The following SAE1 variants were observed in gnomAD, a reference collection of about 807,000 sequenced individuals.
The protein encoded by SAE1 is SUMO-activating enzyme subunit 1.
A neutral mutation model predicts 40.6 loss-of-function variants in SAE1; 11 were observed. The observed-to-expected ratio is 0.27, with a 90% CI of 0.17 to 0.45. The LOEUF is 0.45. Ranked by LOEUF, SAE1 falls within the 20% of genes least tolerant of loss-of-function variation. The pLI, the probability that SAE1 is intolerant of heterozygous loss-of-function variation, is 1.00. For synonymous variants in SAE1, 155 were observed against 154.3 expected (o/e 1.00, Z -0.03); for missense variants, 373 against 427.3 (o/e 0.87, Z 1.12).
chr19:47,175,574 T>TA (rs568421836), intron 6 of SAE1, among the ~76,000 whole-genome samples: 16 of 152,036 alleles, frequency 1.1e-4, no homozygotes, highest in Non-Finnish European at 2.2e-4. Flanking sequence ...CCGTCTCTAC[T>TA]AAAAAACACA....
chr19:47,192,944 G>A (rs1457576054), intron 6 of SAE1, among the ~76,000 whole-genome samples: 1 of 152,016 alleles, frequency 6.6e-6, no homozygotes, highest in Non-Finnish European at 1.5e-5. Context: ...TGGTTACTCA[G>A]TTGCATTTAT....
intron 6 of SAE1, among the ~76,000 whole-genome samples, chr19:47,195,764 C>G (rs2058610309): frequency 8.6e-6 from 1 of 115,866 alleles, no homozygotes; most frequent in African/African-American, 3.4e-5. Context: ...TTGACAGGGT[C>G]TCACTCTGTC....
intron 7 of SAE1, among the ~76,000 whole-genome samples, chr19:47,197,927 C>T (rs1036357147): frequency 1.3e-5 from 2 of 152,208 alleles, no homozygotes; most frequent in Non-Finnish European, 2.9e-5. Context: ...GTCAGCATTG[C>T]CACCTTGCCT....
At chr19:47,143,688 T>G (rs1485211226) in intron 2 of SAE1, 83 bp downstream of exon 2, 14 of 1,013,484 alleles carry the variant, frequency 1.4e-5, no homozygotes, top group Non-Finnish European at 2.0e-5. Flanking sequence ...AGTTCCTCCT[T>G]GTGCCTTAAG....
At chr19:47,193,192 A>G (rs965251079) in intron 6 of SAE1, among the ~76,000 whole-genome samples, 14 of 150,850 alleles carry the variant, frequency 9.3e-5, no homozygotes, top group African/African-American at 2.4e-4. Flanking sequence ...CGAGTAGCTG[A>G]GATTACAGGC....
At chr19:47,142,998 T>C (rs1395393449) in intron 1 of SAE1, among the ~76,000 whole-genome samples, 1 of 152,192 alleles carries the variant, frequency 6.6e-6, no homozygotes, top group Non-Finnish European at 1.5e-5. Context: ...CCTGGCATAG[T>C]TGGTACTCAA....
chr19:47,162,000 A>G (rs778064307), intron 5 of SAE1, among the ~76,000 whole-genome samples: 1 of 152,198 alleles, frequency 6.6e-6, no homozygotes, highest in Non-Finnish European at 1.5e-5. Flanking sequence ...TTAAAATCAA[A>G]TCAAATCAAA....
intron 1 of SAE1, among the ~76,000 whole-genome samples, chr19:47,131,477 C>T (rs2058142245): frequency 6.6e-6 from 1 of 152,000 alleles, no homozygotes; most frequent in Non-Finnish European, 1.5e-5. Flanking sequence ...CAGACGGGAG[C>T]TTACACTCTT....
intron 6 of SAE1, among the ~76,000 whole-genome samples, chr19:47,184,787 TTTTTGTTTTGTTTTTG>T (rs979148148): frequency 7.4e-5 from 11 of 147,904 alleles, no homozygotes; most frequent in African/African-American, 2.3e-4. Flanking sequence ...GTTTTTTTTG[TTTTTGTTTTGTTTTTG>T]TTTTGTTTTG....
At chr19:47,205,746 T>C (rs928599065) in intron 8 of SAE1, among the ~76,000 whole-genome samples, 3 of 152,210 alleles carry the variant, frequency 2.0e-5, no homozygotes, top group Admixed American at 6.5e-5. Context: ...TTTACGTGGA[T>C]ACTCATTTCA....
At chr19:47,164,570 A>G (rs2123239509) in intron 5 of SAE1, among the ~76,000 whole-genome samples, 1 of 150,096 alleles carries the variant, frequency 6.7e-6, no homozygotes, top group Non-Finnish European at 1.5e-5. Context: ...AGGTTATTGC[A>G]GTTTCCTACT....
At chr19:47,158,642 C>T (rs1047363102) in intron 5 of SAE1, among the ~76,000 whole-genome samples, 1 of 152,214 alleles carries the variant, frequency 6.6e-6, no homozygotes, top group African/African-American at 2.4e-5. Flanking sequence ...GGCAGAGTTG[C>T]TGTGGCTGCC....
At chr19:47,173,839 CAGTGG>C (rs2058450589) in intron 6 of SAE1, among the ~76,000 whole-genome samples, 1 of 149,628 alleles carries the variant, frequency 6.7e-6, no homozygotes, top group Admixed American at 6.7e-5. Flanking sequence ...GGCTGGAGTG[CAGTGG>C]TGCAATCTCA....
At chr19:47,134,261 G>A (rs751410899) in intron 1 of SAE1, among the ~76,000 whole-genome samples, 1 of 152,110 alleles carries the variant, frequency 6.6e-6, no homozygotes, top group East Asian at 1.9e-4. Context: ...ACAGAGTATA[G>A]AATTAATGGA....
chr19:47,180,493 T>C (rs763563615), intron 6 of SAE1, among the ~76,000 whole-genome samples: 2 of 152,150 alleles, frequency 1.3e-5, no homozygotes, highest in African/African-American at 2.4e-5. Context: ...CTAAAATCAA[T>C]GGGGAACAGT....
At chr19:47,206,731 G>C (rs539755851) in intron 8 of SAE1, among the ~76,000 whole-genome samples, 2 of 152,212 alleles carry the variant, frequency 1.3e-5, no homozygotes, top group East Asian at 3.9e-4. Context: ...CCTTCCACCT[G>C]GCTAGGTTGG....
intron 6 of SAE1, among the ~76,000 whole-genome samples, chr19:47,182,685 A>G (rs1419174667): frequency 6.6e-6 from 1 of 152,146 alleles, no homozygotes; most frequent in African/African-American, 2.4e-5. Context: ...CTGGTTAGTC[A>G]CCGACTCTGC....
intron 6 of SAE1, among the ~76,000 whole-genome samples, chr19:47,184,316 G>T (rs1295601144): frequency 6.6e-6 from 1 of 152,114 alleles, no homozygotes; most frequent in East Asian, 1.9e-4. Context: ...TAAATCCGTC[G>T]TGACCATAAG....
chr19:47,198,493 G>A (rs1391169148), intron 7 of SAE1, among the ~76,000 whole-genome samples: 2 of 152,068 alleles, frequency 1.3e-5, no homozygotes, highest in African/African-American at 2.4e-5. Flanking sequence ...TCCTAAACTC[G>A]GCTTTGCAGT....
Sources: allele counts gnomAD v4.1 joint callset (sites outside exome capture counted in the v4.1 genomes callset), GRCh38; gene constraint gnomAD v4.1.1; transcripts MANE v1.5; gene names NCBI Gene and HGNC (gene_info 2026-07-23, HGNC 2026-07-21).